The following GLI3 variants were observed in gnomAD, a reference collection of about 807,000 sequenced individuals.
The protein encoded by GLI3 is GLI family zinc finger 3.
Under a neutral mutation model 100.8 loss-of-function variants are expected in GLI3, and 20 were observed. The ratio of observed to expected loss-of-function variants is 0.20; its 90% CI spans 0.14 to 0.29. The LOEUF is 0.29. Among genes scored for constraint, GLI3 ranks in the 10% least tolerant of loss-of-function variants. The pLI, the probability that GLI3 is intolerant of heterozygous loss-of-function variation, is 1.00. For synonymous variants in GLI3, 938 were observed against 860.5 expected (o/e 1.09, Z -1.58); for missense variants, 2,040 against 2,128.5 (o/e 0.96, Z 0.82).
At chr7:41,980,887 G>A (rs1787647302) in intron 10 of GLI3, among the ~76,000 whole-genome samples, 1 of 152,184 alleles carries the variant, frequency 6.6e-6, no homozygotes, top group African/African-American at 2.4e-5. Flanking sequence ...CTACCAGAGG[G>A]AAACAGGTCA....
intron 1 of GLI3, among the ~76,000 whole-genome samples, chr7:42,253,902 G>A (rs945135961): frequency 1.3e-5 from 2 of 152,088 alleles, no homozygotes; most frequent in Admixed American, 1.3e-4. Context: ...AGGCAAAGGC[G>A]AGTCACTGAA....
At chr7:42,097,809 T>C (rs1475527959) in intron 3 of GLI3, among the ~76,000 whole-genome samples, 3 of 152,182 alleles carry the variant, frequency 2.0e-5, no homozygotes, top group African/African-American at 7.2e-5. Context: ...TCAGTTCTGC[T>C]CAGGCCATGT....
intron 10 of GLI3, among the ~76,000 whole-genome samples, chr7:42,012,516 C>T (rs1483000512): frequency 6.6e-6 from 1 of 152,150 alleles, no homozygotes; most frequent in East Asian, 1.9e-4. Context: ...AGGACCTAGA[C>T]CATTGCTCAG....
At chr7:42,002,134 C>T (rs995838494) in intron 10 of GLI3, among the ~76,000 whole-genome samples, 3 of 152,026 alleles carry the variant, frequency 2.0e-5, no homozygotes, top group Non-Finnish European at 2.9e-5. Flanking sequence ...CACAAAAATT[C>T]ACATTCAAAA....
chr7:42,134,614 G>A (rs1341500557), intron 3 of GLI3, among the ~76,000 whole-genome samples: 1 of 152,088 alleles, frequency 6.6e-6, no homozygotes, highest in Non-Finnish European at 1.5e-5. Flanking sequence ...TCAGGTATGA[G>A]GCAGAATGAA....
At chr7:42,067,756 G>C (rs184248320) in intron 4 of GLI3, among the ~76,000 whole-genome samples, 1 of 152,054 alleles carries the variant, frequency 6.6e-6, no homozygotes, top group African/African-American at 2.4e-5. Flanking sequence ...GAGGGACCCT[G>C]TATGGGGGAA....
At chr7:42,156,704 T>C (rs1432360943) in intron 2 of GLI3, among the ~76,000 whole-genome samples, 1 of 152,240 alleles carries the variant, frequency 6.6e-6, no homozygotes, top group Non-Finnish European at 1.5e-5. Context: ...CCAGCCCCTG[T>C]GTGGCCAGAG....
At chr7:41,978,832 C>A in intron 10 of GLI3, 84 bp from the exon 11 acceptor site, 1 of 1,225,056 alleles carries the variant, frequency 8.2e-7, no homozygotes, top group African/African-American at 1.5e-5. Flanking sequence ...CAGAAAATAC[C>A]CCAATCTTAA....
chr7:42,058,594 A>G (rs2128746104), intron 4 of GLI3, among the ~76,000 whole-genome samples: 1 of 152,344 alleles, frequency 6.6e-6, no homozygotes, highest in Non-Finnish European at 1.5e-5. Flanking sequence ...TAGCTGACAC[A>G]TTAGTCTAAA....
At position 42,026,330 on chromosome 7, in the gene GLI3, C is replaced by T. The variant is rs143523044; in HGVS notation, c.1111G>A (p.Gly371Ser). 1 of 1,614,180 alleles carries T rather than the reference C, an allele frequency of 6.2e-7. No individual in the cohort carries two copies. The highest frequency in any genetic ancestry group is 1.7e-5 in the Admixed American group (1 of 60,028). The part of the protein sequence containing the change: ...QQILSRQQSL[G>S]SAFGHSPPLI... Reference sequence around the variant, plus strand: ...GGAGGGCTGTGTCCAAAGGCTGAACCTAAGCTCTGTTGTCGGCTTAGGATC... The same window carrying T: ...GGAGGGCTGTGTCCAAAGGCTGAACTTAAGCTCTGTTGTCGGCTTAGGATC... Residue 371 changes from glycine to serine, a missense_variant, in exon 8 of 15, where the codon GGT becomes AGT. Physicochemically the swap from Gly to Ser is moderately conservative, Grantham distance 56. Around this residue, in one of 5 missense-constraint regions of GLI3, gnomAD observed 603 missense variants for 690.9 expected, o/e 0.87. Coordinates refer to ENST00000395925, the MANE Select transcript of GLI3 (RefSeq NM_000168.6).
chr7:41,981,073 G>C (rs1387235808), intron 10 of GLI3, among the ~76,000 whole-genome samples: 1 of 152,202 alleles, frequency 6.6e-6, no homozygotes, highest in Non-Finnish European at 1.5e-5. Context: ...GACACATCAG[G>C]TGTGCAGGGA....
chr7:42,226,218 C>T (rs995334434), intron 1 of GLI3, among the ~76,000 whole-genome samples: 1 of 152,120 alleles, frequency 6.6e-6, no homozygotes, highest in Non-Finnish European at 1.5e-5. Context: ...GAGTCTACAA[C>T]GTTAAAACTG....
chr7:42,222,976 T>TC, intron 2 of GLI3, 154 bp downstream of exon 2: 1 of 822,486 alleles, frequency 1.2e-6, no homozygotes. Flanking sequence ...ACATTCCATG[T>TC]CCCCCCGCCG....
At chr7:42,167,016 C>T (rs1183325394) in intron 2 of GLI3, among the ~76,000 whole-genome samples, 1 of 151,838 alleles carries the variant, frequency 6.6e-6, no homozygotes, top group African/African-American at 2.4e-5. Flanking sequence ...TAGTAGAGAC[C>T]GGGTTTCGCC....
intron 3 of GLI3, among the ~76,000 whole-genome samples, chr7:42,090,164 C>G (rs1261891545): frequency 6.6e-6 from 1 of 152,118 alleles, no homozygotes; most frequent in African/African-American, 2.4e-5. Context: ...CTATATAGAG[C>G]ACTTACCATT....
chr7:42,157,668 T>C (rs1445985744), intron 2 of GLI3, among the ~76,000 whole-genome samples: 1 of 152,280 alleles, frequency 6.6e-6, no homozygotes, highest in Non-Finnish European at 1.5e-5. Context: ...TTTTAACTTA[T>C]ATTTCTCAAT....
intron 3 of GLI3, among the ~76,000 whole-genome samples, chr7:42,081,171 C>T (rs190578325): frequency 2.2e-4 from 34 of 152,180 alleles, no homozygotes; most frequent in African/African-American, 7.7e-4. Context: ...AGCAAACTAA[C>T]GGGCTAAATG....
intron 10 of GLI3, among the ~76,000 whole-genome samples, chr7:41,995,214 G>A (rs141774243): frequency 1.9e-3 from 289 of 152,296 alleles, no homozygotes; most frequent in Admixed American, 4.1e-3. Context: ...GTCAAGATGT[G>A]TCCCCTGGTC....
chr7:42,232,673 C>T (rs1788716431), intron 1 of GLI3, among the ~76,000 whole-genome samples: 1 of 152,158 alleles, frequency 6.6e-6, no homozygotes, highest in Admixed American at 6.5e-5. Flanking sequence ...AATTATGACT[C>T]CTATGCAAAA....
Sources: gnomAD v4.1 joint callset for allele counts (sites outside exome capture counted in the v4.1 genomes callset) on GRCh38, gnomAD v4.1.1 for gene constraint, gnomAD v4.1.1 regional missense constraint, MANE v1.5 for transcripts, NCBI Gene and HGNC (gene_info 2026-07-23, HGNC 2026-07-21) for gene names.